P2RY12: variants seen among roughly 807,000 people sequenced by gnomAD.
P2RY12 encodes the protein purinergic receptor P2Y12.
Under a neutral mutation model 4.5 loss-of-function variants are expected in P2RY12, and 3 were observed. That is an observed-to-expected ratio of 0.67 (90% CI 0.31 to 1.74). The LOEUF (loss-of-function observed/expected upper bound fraction) is 1.74, where lower values mean the gene tolerates loss of function less well. P2RY12 is among the 40% of genes most tolerant of loss of function. The pLI, the probability that P2RY12 is intolerant of heterozygous loss-of-function variation, is 0.09. For missense variants in P2RY12, 356 were observed against 407.8 expected (o/e 0.87, Z 1.09); for synonymous variants, 148 against 154.1 (o/e 0.96, Z 0.29).
At chr3:151,368,054 A>T in intron 1 of P2RY12, 1 of 1,030,104 alleles carries the variant, frequency 9.7e-7, no homozygotes, top group Non-Finnish European at 1.4e-6. Context: ...AAATTTATTT[A>T]AATAATTATT....
At chr3:151,366,161 A>G (rs553614229) in intron 1 of P2RY12, among the ~76,000 whole-genome samples, 1 of 152,308 alleles carries the variant, frequency 6.6e-6, no homozygotes, top group African/African-American at 2.4e-5. Flanking sequence ...CAGGGATTAA[A>G]TACATGAAAA....
intron 1 of P2RY12, among the ~76,000 whole-genome samples, chr3:151,349,167 G>C (rs565527317): frequency 1.3e-5 from 2 of 152,190 alleles, no homozygotes; most frequent in Non-Finnish European, 2.9e-5. Flanking sequence ...GGCACATCTT[G>C]GACTCTGTTA....
chr3:151,345,926 A>G (rs1244427748), intron 1 of P2RY12, among the ~76,000 whole-genome samples: 1 of 152,182 alleles, frequency 6.6e-6, no homozygotes, highest in Non-Finnish European at 1.5e-5. Flanking sequence ...TACTGTAGTA[A>G]CACCTAGCAT....
At chr3:151,353,646 CTTTTA>C (rs1225117468) in intron 1 of P2RY12, among the ~76,000 whole-genome samples, 3 of 152,132 alleles carry the variant, frequency 2.0e-5, no homozygotes, top group Non-Finnish European at 4.4e-5. Flanking sequence ...AGAGAAGTCT[CTTTTA>C]TTTTCATGTT....
intron 1 of P2RY12, among the ~76,000 whole-genome samples, chr3:151,342,263 A>G (rs1053391564): frequency 6.6e-6 from 1 of 152,192 alleles, no homozygotes; most frequent in African/African-American, 2.4e-5. Flanking sequence ...TTATGTAAAT[A>G]TTGCTTTGCA....
At chr3:151,372,955 G>A (rs547233030) in intron 1 of P2RY12, among the ~76,000 whole-genome samples, 7 of 152,078 alleles carry the variant, frequency 4.6e-5, no homozygotes, top group African/African-American at 7.2e-5. Flanking sequence ...TCCTTTACAC[G>A]GATTTACTAA....
chr3:151,367,530 G>C (rs990229427), intron 1 of P2RY12: 1 of 860,738 alleles, frequency 1.2e-6, no homozygotes. Flanking sequence ...TCCCTCTGCT[G>C]GTTCATGTTG....
chr3:151,364,307 T>C (rs2107903535), intron 1 of P2RY12, among the ~76,000 whole-genome samples: 1 of 152,338 alleles, frequency 6.6e-6, no homozygotes, highest in Non-Finnish European at 1.5e-5. Context: ...AAACATGAGC[T>C]GTTTTTATAT....
intron 1 of P2RY12, among the ~76,000 whole-genome samples, chr3:151,359,930 TATATA>T (rs1754401023): frequency 6.6e-6 from 1 of 152,120 alleles, no homozygotes; most frequent in South Asian, 2.1e-4. Context: ...TTTATCTTCT[TATATA>T]AGATAAACTA....
chr3:151,364,087 A>G (rs144286157), intron 1 of P2RY12, among the ~76,000 whole-genome samples: 314 of 152,322 alleles, frequency 2.1e-3, no homozygotes, highest in Middle Eastern at 0.01. Flanking sequence ...TTTCTGATGC[A>G]TAAAAGAGCT....
At chr3:151,370,549 G>A (rs1176663524) in intron 1 of P2RY12, among the ~76,000 whole-genome samples, 2 of 152,170 alleles carry the variant, frequency 1.3e-5, no homozygotes, top group African/African-American at 4.8e-5. Context: ...GTAGAGCCAC[G>A]TCAAGGACCA....
At position 151,376,244 on chromosome 3, in the gene P2RY12, A is replaced by G. The variant is rs749322965; in HGVS notation, c.-180+8448T>C. The G allele has an allele frequency of 3.7e-6, 5 of 1,348,952 alleles. 1 individual carries two copies. Among genetic ancestry groups the G allele is most frequent in the Admixed American group, 5.6e-5 (2 of 35,662 alleles). The allele number at this position is 1,348,952 out of a possible 1,614,324, so 83.6% of individuals were successfully genotyped here. ...GTCGTATACAGATTGTGTTTCTGTC[A>G]TTTGATAAATTCTTCGTAATAATAA... On this transcript the variant is annotated intron_variant, in intron 1 of 2. Transcript: ENST00000302632.
chr3:151,341,488 GTTGT>G (rs1751813344), intron 1 of P2RY12, among the ~76,000 whole-genome samples: 1 of 151,686 alleles, frequency 6.6e-6, no homozygotes, highest in Admixed American at 6.6e-5. Flanking sequence ...ATTATTTACA[GTTGT>G]TTAACTTTGA....
intron 1 of P2RY12, among the ~76,000 whole-genome samples, chr3:151,375,472 C>A (rs1331568790): frequency 6.6e-6 from 1 of 152,172 alleles, no homozygotes; most frequent in African/African-American, 2.4e-5. Context: ...CCCCCACTCA[C>A]ACTGGACCCA....
chr3:151,383,175 A>G lies in P2RY12; in HGVS notation c.-180+1517T>C, dbSNP rs527408136. 3.3e-5 allele frequency among the ~76,000 whole-genome samples: 5 copies of G among 152,358 alleles called. No homozygotes were observed. In the East Asian group the frequency reaches 9.6e-4, roughly 29 times the overall value. The stretch of plus-strand genomic sequence containing the variant: ...CACAGAGAAGTTTTATAGAAATTTA[A>G]AATGTCTCACATATTGTGCATTCCT... On this transcript the variant is annotated intron_variant, in intron 1 of 2. Transcript: ENST00000302632.
At chr3:151,360,130 C>T (rs16863336) in intron 1 of P2RY12, among the ~76,000 whole-genome samples, 46,895 of 151,974 alleles carry the variant, frequency 0.31, 7,523 homozygotes, top group East Asian at 0.49. Context: ...ATTTGTGAAT[C>T]TGCGGAGGCA....
rs780010525 is a variant in P2RY12 at position 151,365,956 on chromosome 3, G to T, written c.-180+18736C>A. 3 of 1,612,662 alleles carry T rather than the reference G, an allele frequency of 1.9e-6. No homozygotes were observed. The highest frequency in any genetic ancestry group is 1.3e-5 in the African/African-American group (1 of 74,948). On this transcript the variant is annotated intron_variant, in intron 1 of 2. Coordinates refer to ENST00000302632, the MANE Select transcript of P2RY12 (RefSeq NM_022788.5). ...GGCTCTTTGTTGTTCTTCAAATCAC[G>T]TGTGGGGGTTTAATGATGTACTTTG...
At chr3:151,359,418 T>TG (rs747231459) in intron 1 of P2RY12, among the ~76,000 whole-genome samples, 2 of 152,184 alleles carry the variant, frequency 1.3e-5, no homozygotes, top group Non-Finnish European at 2.9e-5. Flanking sequence ...TCACAGGGTT[T>TG]GGGATACTAC....
intron 1 of P2RY12, among the ~76,000 whole-genome samples, chr3:151,345,517 C>CTTTTTTTTTTTTTTTTTTTTTTTCT (rs201731496): frequency 7.6e-6 from 1 of 131,652 alleles, no homozygotes; most frequent in Non-Finnish European, 1.6e-5. Context: ...TTTTCTTTTT[C>CTTTTTTTTTTTTTTTTTTTTTTTCT]TTTTTTTTTT....
Sources: gnomAD v4.1 joint callset for allele counts (sites outside exome capture counted in the v4.1 genomes callset) on GRCh38, gnomAD v4.1.1 for gene constraint, MANE v1.5 for transcripts, NCBI Gene and HGNC (gene_info 2026-07-23, HGNC 2026-07-21) for gene names.